The following VPS16 variants were observed in gnomAD, a reference collection of about 807,000 sequenced individuals.
The protein encoded by VPS16 is VPS16 core subunit of CORVET and HOPS complexes, also known as vacuolar protein sorting-associated protein 16 homolog.
In VPS16, 82 loss-of-function variants were observed where a neutral mutation model predicts 116.0. The ratio of observed to expected loss-of-function variants is 0.71; its 90% CI spans 0.59 to 0.85. VPS16 has a LOEUF of 0.85. Ranked by LOEUF, VPS16 falls within the 40% of genes least tolerant of loss-of-function variation. The pLI is 0.00. For synonymous variants in VPS16, 406 were observed against 420.7 expected, an observed-to-expected ratio of 0.96 and a Z score of 0.43; for missense variants, 928 against 1,090.6, an observed-to-expected ratio of 0.85 and a Z score of 2.10.
At chr20:2,857,510 CTTTT>C (rs201180356) in intron 1 of VPS16, among the ~76,000 whole-genome samples, 1 of 132,514 alleles carries the variant, frequency 7.5e-6, no homozygotes. Flanking sequence ...GTATTTCTTT[CTTTT>C]TTTTTTTTTT....
In VPS16 at chr20:2,863,127, G is replaced by A; in HGVS notation, c.1367+27G>A. 6.2e-7 allele frequency: 1 copy of A among 1,613,812 alleles called. No individual in the cohort carries two copies. Among genetic ancestry groups the A allele is most frequent in the Non-Finnish European group, 8.5e-7 (1 of 1,179,972 alleles). ...TAGGGTAAGCCCAAGGGTGCAGTGAGCGGGCTGTCAGGGGGGTGGGCATTA... is the reference window on the plus strand; with the variant it reads ...TAGGGTAAGCCCAAGGGTGCAGTGAACGGGCTGTCAGGGGGGTGGGCATTA... On this transcript the variant is annotated intron_variant, in intron 14 of 23. Transcript: ENST00000380445. This position sits in a 1 kb window ranked among gnomAD's most constrained non-coding sequence, Gnocchi z 4.4.
rs1568625652 is a variant in VPS16 at position 2,856,620 on chromosome 20, T to TAC, written c.54-3098_54-3097insCA. On this transcript the variant is annotated intron_variant, in intron 1 of 23. Coordinates refer to ENST00000380445, the MANE Select transcript of VPS16 (RefSeq NM_022575.4). Reference sequence around the variant, plus strand: ...AAGGTAATCACTGTGTCTGGTTTAGTATGGAAGTCTCTTGAGCATTTTTCT... The same window carrying TAC: ...AAGGTAATCACTGTGTCTGGTTTAGTACATGGAAGTCTCTTGAGCATTTTTCT... 5.9e-5 allele frequency among the ~76,000 whole-genome samples: 9 copies of TAC among 152,352 alleles called. 1 individual carries two copies. Among genetic ancestry groups the TAC allele is most frequent in the African/African-American group, 2.2e-4 (9 of 41,584 alleles).
intron 1 of VPS16, among the ~76,000 whole-genome samples, chr20:2,853,148 T>C (rs1281582945): frequency 1.3e-5 from 2 of 152,182 alleles, no homozygotes; most frequent in Admixed American, 1.3e-4. Flanking sequence ...CCCAGCACTT[T>C]AGGAGGCCAA....
Position 2,866,255 on chromosome 20 carries a change from C to T in VPS16, c.2315C>T (p.Ala772Val). ...ICMKQHNKYE[A>V]KKYASRVGPE... ...ATGAAACAACATAACAAATACGAAGCCAAGAAGTATGCTTCCCGCGTGGGT... is the reference window on the plus strand; with the variant it reads ...ATGAAACAACATAACAAATACGAAGTCAAGAAGTATGCTTCCCGCGTGGGT... The change falls in exon 23 of 24, where the codon GCC becomes GTC. Residue 772 changes from alanine (A) to valine (V), a missense_variant. Ala to Val is a moderately conservative substitution (Grantham distance 64, BLOSUM62 0). Coordinates refer to ENST00000380445, the MANE Select transcript of VPS16 (RefSeq NM_022575.4). 6.2e-7 allele frequency: 1 copy of T among 1,614,118 alleles called. No homozygotes were observed. Among genetic ancestry groups the T allele is most frequent in the Non-Finnish European group, 8.5e-7 (1 of 1,180,016 alleles).
chr20:2,864,684 G>A lies in VPS16; in HGVS notation c.1926+30G>A, dbSNP rs1285820509. 4 of 1,606,502 alleles carry A rather than the reference G, an allele frequency of 2.5e-6. No individual in the cohort carries two copies. In the African/African-American group the frequency reaches 5.3e-5, roughly 21 times the overall value. On this transcript the variant is annotated intron_variant, in intron 19 of 23. Coordinates refer to ENST00000380445, the MANE Select transcript of VPS16 (RefSeq NM_022575.4). This position sits in a 1 kb window ranked among gnomAD's most constrained non-coding sequence, Gnocchi z 5.2. The stretch of plus-strand genomic sequence containing the variant: ...GAGATCCATGGGGCGTGTGGGGCGT[G>A]TGGGGCATGTGGGCTGGGGCTGTTG...
rs1408049585 is a variant in VPS16 at position 2,840,758 on chromosome 20, T to A, written c.-17T>A. 1 of 1,547,970 alleles carries A rather than the reference T, an allele frequency of 6.5e-7. No homozygotes were observed. Among genetic ancestry groups the A allele is most frequent in the Admixed American group, 2.0e-5 (1 of 50,984 alleles). On this transcript the variant is annotated 5_prime_UTR_variant, in exon 1 of 24. Transcript: ENST00000380445. ...GGGTGTCCCCTCGGTGCTTCCCAGCTGCCGTCTGCACCAGCCATGGACTGC... is the reference window on the plus strand; with the variant it reads ...GGGTGTCCCCTCGGTGCTTCCCAGCAGCCGTCTGCACCAGCCATGGACTGC...
At chr20:2,851,924 C>T (rs550446484) in intron 1 of VPS16, among the ~76,000 whole-genome samples, 19 of 151,952 alleles carry the variant, frequency 1.3e-4, no homozygotes, top group Non-Finnish European at 2.2e-4. Context: ...GAGCCGAGAT[C>T]GTGCCACTGT....
Position 2,864,139 on chromosome 20 carries a change from G to T in VPS16, c.1612-40G>T, listed in dbSNP as rs778090760. 6.2e-7 allele frequency: 1 copy of T among 1,613,942 alleles called. No homozygotes were observed. Among genetic ancestry groups the T allele is most frequent in the Admixed American group, 1.7e-5 (1 of 60,026 alleles). ...TGATGTGGTTGTTCAGGGCCCCCAT[G>T]CCAGCTCCTTCTCTCTGTGCCTTCC... On this transcript the variant is annotated intron_variant, in intron 16 of 23. Transcript: ENST00000380445. This position sits in a 1 kb window ranked among gnomAD's most constrained non-coding sequence, Gnocchi z 5.2.
At chr20:2,840,899 C>T (rs1241912002) in intron 1 of VPS16, 72 bp downstream of exon 1, 5 of 1,417,426 alleles carry the variant, frequency 3.5e-6, no homozygotes, top group African/African-American at 1.4e-5. Flanking sequence ...CTCCCGGCGG[C>T]GTTCGCCCCT....
At chr20:2,850,311 C>T (rs919079613) in intron 1 of VPS16, among the ~76,000 whole-genome samples, 2 of 144,284 alleles carry the variant, frequency 1.4e-5, no homozygotes, top group African/African-American at 5.2e-5. Flanking sequence ...GCAACAAGAG[C>T]GAAACTCTGT....
rs6051452 is a variant in VPS16 at position 2,863,327 on chromosome 20, A to C, written c.1405A>C (p.Ile469Leu). The C allele has an allele frequency of 9.3e-6, 15 of 1,614,168 alleles. 1 individual carries two copies. The African/African-American group carries it at 1.7e-4, about 19-fold the overall frequency. ...LRRLYPLAIQ[I>L]CEYLRLPEVQ... ...GAGACTTTACCCCCTGGCCATCCAG[A>C]TATGCGAGTACTTGCGCCTTCCTGA... Residue 469 changes from isoleucine (I) to leucine (L), a missense_variant, in exon 15 of 24, where the codon ATA becomes CTA. By Grantham distance (5) the Ile-to-Leu change is conservative (BLOSUM62 2). Transcript: ENST00000380445. This position sits in a 1 kb window ranked among gnomAD's most constrained non-coding sequence, Gnocchi z 4.4.
rs932487416 is a variant in VPS16 at position 2,865,690 on chromosome 20, G to A, written c.2271+195G>A. ...TGGGTGCACTGGAGGATGGGTCCAA[G>A]TTTGCCTGCAGATGTTACGGGGAGA... On this transcript the variant is annotated intron_variant, in intron 22 of 23. Coordinates refer to ENST00000380445, the MANE Select transcript of VPS16 (RefSeq NM_022575.4). This position sits in a 1 kb window ranked among gnomAD's most constrained non-coding sequence, Gnocchi z 5.2. Among the ~76,000 whole-genome samples the A allele has an allele frequency of 6.6e-6, 1 of 152,342 alleles. No homozygotes were observed. The highest frequency in any genetic ancestry group is 1.9e-4 in the East Asian group (1 of 5,192).
intron 1 of VPS16, among the ~76,000 whole-genome samples, chr20:2,854,972 T>TTTTTTA: frequency 6.9e-6 from 1 of 143,974 alleles, no homozygotes; most frequent in African/African-American, 2.6e-5. Context: ...TTTTTTTTTT[T>TTTTTTA]TTTTTTGAGA....
chr20:2,862,266 C>A, intron 11 of VPS16, 136 bp downstream of exon 11: 1 of 1,115,722 alleles, frequency 9.0e-7, no homozygotes, highest in Admixed American at 2.7e-5. Flanking sequence ...GGAGGGCTGG[C>A]TCATGTAAAC....
At chr20:2,856,917 G>A (rs2089176929) in intron 1 of VPS16, among the ~76,000 whole-genome samples, 1 of 151,254 alleles carries the variant, frequency 6.6e-6, no homozygotes, top group Admixed American at 6.6e-5. Context: ...TAAATATTTT[G>A]TGGTATTTCC....
Position 2,866,698 on chromosome 20 carries a change from G to A in VPS16, c.*124G>A. 1 of 1,419,168 alleles carries A rather than the reference G, an allele frequency of 7.0e-7. No individual in the cohort carries two copies. The highest frequency in any genetic ancestry group is 9.6e-7 in the Non-Finnish European group (1 of 1,046,888). The allele number at this position is 1,419,168 out of a possible 1,614,324, so 87.9% of individuals were successfully genotyped here. A position where few individuals can be genotyped will look rare whatever the true frequency, so the allele number is the denominator to read the frequency against. On this transcript the variant is annotated 3_prime_UTR_variant, in exon 24 of 24. Transcript: ENST00000380445. The stretch of plus-strand genomic sequence containing the variant: ...CTGAGGAGCGGGGGCATGGTAGCAG[G>A]GCTGTCTGGTTTTAAATAAAGTTGG...
At chr20:2,841,524 C>G (rs1004790437) in intron 1 of VPS16, among the ~76,000 whole-genome samples, 4 of 152,216 alleles carry the variant, frequency 2.6e-5, no homozygotes, top group Middle Eastern at 3.2e-3. Context: ...CCTAACCAGT[C>G]TGCAGTTTCT....
chr20:2,841,854 A>G (rs1278773258), intron 1 of VPS16, among the ~76,000 whole-genome samples: 1 of 151,900 alleles, frequency 6.6e-6, no homozygotes, highest in African/African-American at 2.4e-5. Flanking sequence ...CCCGGGTTCA[A>G]GGGATTCTCC....
chr20:2,859,856 C>T, intron 2 of VPS16, 49 bp downstream of exon 2: 2 of 1,579,502 alleles, frequency 1.3e-6, no homozygotes, highest in Non-Finnish European at 1.7e-6. Flanking sequence ...GGGATGAACT[C>T]AAGGTCCTTG....
Sources: allele counts gnomAD v4.1 joint callset (sites outside exome capture counted in the v4.1 genomes callset), GRCh38; gene constraint gnomAD v4.1.1; non-coding constraint Gnocchi (gnomAD v3.1); transcripts MANE v1.5; gene names NCBI Gene and HGNC (gene_info 2026-07-23, HGNC 2026-07-21).